CDC42BPA: variants seen among roughly 807,000 people sequenced by gnomAD.
The protein encoded by CDC42BPA is serine/threonine-protein kinase MRCK alpha.
In CDC42BPA, 80 loss-of-function variants were observed where a neutral mutation model predicts 223.5. The ratio of observed to expected loss-of-function variants is 0.36; its 90% confidence interval spans 0.30 to 0.43. The LOEUF is 0.43. Among genes scored for constraint, CDC42BPA ranks in the 20% least tolerant of loss-of-function variants. The pLI is 1.00. For synonymous variants in CDC42BPA, 694 were observed against 718.6 expected, an observed-to-expected ratio of 0.97 and a Z score of 0.55; for missense variants, 1,743 against 2,099.9, an observed-to-expected ratio of 0.83 and a Z score of 3.32.
intron 6 of CDC42BPA, among the ~76,000 whole-genome samples, chr1:227,147,943 GA>G (rs898243830): frequency 3.3e-5 from 5 of 151,392 alleles, no homozygotes; most frequent in African/African-American, 4.9e-5. Flanking sequence ...GAGATGGGGG[GA>G]AAAAGCTCCT....
At chr1:227,085,906 AACAGTTGTACAG>A (rs1319235977) in intron 16 of CDC42BPA, among the ~76,000 whole-genome samples, 1 of 152,218 alleles carries the variant, frequency 6.6e-6, no homozygotes, top group Non-Finnish European at 1.5e-5. Flanking sequence ...AGCAAACTTC[AACAGTTGTACAG>A]TGATTGCTAC....
At chr1:227,015,142 C>T (rs1027978690) in intron 34 of CDC42BPA, among the ~76,000 whole-genome samples, 7 of 152,022 alleles carry the variant, frequency 4.6e-5, no homozygotes, top group African/African-American at 1.7e-4. Context: ...GAAATGGGGT[C>T]TTGGTCAGTC....
chr1:227,009,061 GATAC>G (rs1323022713), intron 34 of CDC42BPA, among the ~76,000 whole-genome samples: 18 of 152,156 alleles, frequency 1.2e-4, no homozygotes, highest in Middle Eastern at 6.8e-3. Context: ...TAAACCTTAA[GATAC>G]ATTGATGTTG....
In CDC42BPA at chr1:227,074,341, C is replaced by T. The variant is rs879775085; in HGVS notation, c.2504G>A (p.Arg835Gln). The T allele has an allele frequency of 3.5e-5, 56 of 1,613,252 alleles. No homozygotes were observed. The highest frequency in any genetic ancestry group is 4.3e-5 in the Non-Finnish European group (51 of 1,179,500). Residue 835 changes from arginine (R) to glutamine (Q), a missense_variant, in exon 18 of 37, where the codon CGA (arginine) becomes CAA (glutamine). Transcript: ENST00000366766. ...AGAAGCTAAGGCCTGAAGATACCCTCGTGCATCCTTTTCATCGCTGACCCT... is the reference window on the plus strand; with the variant it reads ...AGAAGCTAAGGCCTGAAGATACCCTTGTGCATCCTTTTCATCGCTGACCCT... ...IQWVSDEKDA[R>Q]GYLQALASKM...
chr1:227,011,647 T>A (rs2148445050), intron 34 of CDC42BPA, among the ~76,000 whole-genome samples: 1 of 152,330 alleles, frequency 6.6e-6, no homozygotes, highest in South Asian at 2.1e-4. Context: ...AAAAAGAACA[T>A]GTTTGTTTTC....
chr1:227,122,671 G>C (rs573413544), intron 11 of CDC42BPA, among the ~76,000 whole-genome samples: 2 of 152,230 alleles, frequency 1.3e-5, no homozygotes, highest in African/African-American at 4.8e-5. Flanking sequence ...AAAAAATAAT[G>C]TACTAGATTA....
At chr1:227,141,130 T>C (rs1232422687) in intron 9 of CDC42BPA, among the ~76,000 whole-genome samples, 2 of 152,208 alleles carry the variant, frequency 1.3e-5, no homozygotes, top group African/African-American at 4.8e-5. Flanking sequence ...TCATTAGATT[T>C]AGCAACATGT....
chr1:226,992,101 G>C lies in CDC42BPA; in HGVS notation c.*2167C>G, dbSNP rs1400419346. The C allele has an allele frequency of 1.3e-5, 2 of 151,852 alleles. No individual in the cohort carries two copies. The highest frequency in any genetic ancestry group is 2.9e-5 in the Non-Finnish European group (2 of 67,996). The allele number at this position is 151,852 out of a possible 1,614,324, so 9.4% of individuals were successfully genotyped here. On this transcript the variant is annotated 3_prime_UTR_variant, in exon 37 of 37. Transcript: ENST00000366766. ...AGGGTGGACAGAAGGGGTGCGAGCT[G>C]GTCACGAGCACCAAGCAGGGGGCCG...
intron 2 of CDC42BPA, among the ~76,000 whole-genome samples, chr1:227,221,537 A>G (rs1016404206): frequency 7.1e-5 from 4 of 56,074 alleles, no homozygotes; most frequent in Non-Finnish European, 1.1e-4. Context: ...TCTCCCACCC[A>G]CCCTCCCTTC....
chr1:227,220,062 CTGACCT>C (rs1675556896), intron 2 of CDC42BPA, among the ~76,000 whole-genome samples: 1 of 152,004 alleles, frequency 6.6e-6, no homozygotes, highest in Non-Finnish European at 1.5e-5. Flanking sequence ...TTAAATGGCA[CTGACCT>C]GTGACCAGGC....
chr1:227,019,249 A>AT (rs796880396), intron 32 of CDC42BPA, among the ~76,000 whole-genome samples: 21 of 150,656 alleles, frequency 1.4e-4, no homozygotes, highest in South Asian at 4.2e-4. Context: ...TCAAGAAACC[A>AT]TTTTTTTTTG....
At chr1:227,216,986 T>C (rs1035444541) in intron 2 of CDC42BPA, among the ~76,000 whole-genome samples, 1 of 152,218 alleles carries the variant, frequency 6.6e-6, no homozygotes, top group Non-Finnish European at 1.5e-5. Context: ...TATTATCATT[T>C]GAAGCTACAA....
intron 32 of CDC42BPA, among the ~76,000 whole-genome samples, chr1:227,019,029 C>A (rs1666863261): frequency 6.6e-6 from 1 of 152,184 alleles, no homozygotes; most frequent in Non-Finnish European, 1.5e-5. Context: ...AAGTTTGCCA[C>A]ACTAACTCCT....
intron 1 of CDC42BPA, among the ~76,000 whole-genome samples, chr1:227,305,309 G>C (rs1692348339): frequency 6.6e-6 from 1 of 151,928 alleles, no homozygotes; most frequent in African/African-American, 2.4e-5. Flanking sequence ...TTGGGAAGCT[G>C]AGGCAAACAT....
intron 5 of CDC42BPA, among the ~76,000 whole-genome samples, chr1:227,188,369 G>A (rs1163481353): frequency 6.6e-6 from 1 of 150,478 alleles, no homozygotes; most frequent in Non-Finnish European, 1.5e-5. Context: ...ATTAAGAAAA[G>A]TTAAAAAATA....
intron 14 of CDC42BPA, among the ~76,000 whole-genome samples, chr1:227,109,656 G>A (rs996122419): frequency 7.9e-5 from 12 of 151,992 alleles, no homozygotes; most frequent in South Asian, 4.2e-4. Context: ...GTGAGCCACC[G>A]CACCTGGCTA....
At chr1:227,121,464 G>A (rs1343427033) in intron 11 of CDC42BPA, among the ~76,000 whole-genome samples, 1 of 152,154 alleles carries the variant, frequency 6.6e-6, no homozygotes, top group Non-Finnish European at 1.5e-5. Context: ...ACTGATATCA[G>A]TGCAATAAAT....
chr1:227,111,382 A>T (rs1686893349), intron 14 of CDC42BPA, among the ~76,000 whole-genome samples: 4 of 152,240 alleles, frequency 2.6e-5, no homozygotes, highest in Admixed American at 2.6e-4. Flanking sequence ...CTATTATACT[A>T]ACAGTTACTG....
chr1:227,060,373 T>G (rs1362193860), intron 21 of CDC42BPA, among the ~76,000 whole-genome samples: 1 of 152,180 alleles, frequency 6.6e-6, no homozygotes, highest in Non-Finnish European at 1.5e-5. Context: ...TAACATTCAG[T>G]GCAACCTAAC....
Sources: gnomAD v4.1 joint callset for allele counts (sites outside exome capture counted in the v4.1 genomes callset) on GRCh38, gnomAD v4.1.1 for gene constraint, MANE v1.5 for transcripts, NCBI Gene and HGNC (gene_info 2026-07-23, HGNC 2026-07-21) for gene names.